The following ASB4 variants were observed in gnomAD, a reference collection of about 807,000 sequenced individuals.
ASB4 encodes ankyrin repeat and SOCS box containing 4.
Under a neutral mutation model 38.6 loss-of-function variants are expected in ASB4, and 35 were observed. The observed-to-expected ratio is 0.91, with a 90% CI of 0.69 to 1.20. The LOEUF (loss-of-function observed/expected upper bound fraction) is 1.20. Among genes scored for constraint, ASB4 ranks in the 50% most tolerant of loss-of-function variants. The pLI, the probability that ASB4 is intolerant of heterozygous loss-of-function variation, is 0.00. For synonymous variants in ASB4, 195 were observed against 201.3 expected, an observed-to-expected ratio of 0.97 and a Z score of 0.26; for missense variants, 557 against 527.2, an observed-to-expected ratio of 1.06 and a Z score of -0.55.
chr7:95,523,562 A>T (rs1286042168), intron 2 of ASB4, among the ~76,000 whole-genome samples: 1 of 152,202 alleles, frequency 6.6e-6, no homozygotes. Context: ...CTGCTTAGTG[A>T]GGTAATTAGT....
At chr7:95,482,928 C>T (rs187172064), upstream of ASB4, among the ~76,000 whole-genome samples, 5 of 152,254 alleles carry the variant, frequency 3.3e-5, no homozygotes, top group African/African-American at 7.2e-5. Flanking sequence ...CTGAGGTTAG[C>T]GGCTCAGCAT....
At chr7:95,549,066 C>A in the ASB4 span, among the ~76,000 whole-genome samples, 1 of 151,984 alleles carries the variant, frequency 6.6e-6, no homozygotes, top group Admixed American at 6.6e-5. Flanking sequence ...TTTCTTATGA[C>A]AAAATTAATT....
chr7:95,500,491 A>C (rs1333860264), intron 2 of ASB4, among the ~76,000 whole-genome samples: 1 of 144,652 alleles, frequency 6.9e-6, no homozygotes, highest in East Asian at 2.1e-4. Context: ...GCTTGAGCTC[A>C]CGAGTTTGAG....
At chr7:95,522,563 G>A (rs1234210785) in intron 2 of ASB4, among the ~76,000 whole-genome samples, 2 of 152,150 alleles carry the variant, frequency 1.3e-5, no homozygotes, top group African/African-American at 2.4e-5. Flanking sequence ...ATTATGTGTA[G>A]ATGATACTCT....
chr7:95,485,060 A>C (rs1368339688), upstream of ASB4, among the ~76,000 whole-genome samples: 1 of 150,764 alleles, frequency 6.6e-6, no homozygotes, highest in Non-Finnish European at 1.5e-5. Flanking sequence ...ATATATGTAT[A>C]TATATGTATA....
intron 2 of ASB4, among the ~76,000 whole-genome samples, chr7:95,503,771 T>C (rs1164829907): frequency 6.6e-6 from 1 of 152,204 alleles, no homozygotes; most frequent in Non-Finnish European, 1.5e-5. Context: ...CCATGGCAAC[T>C]GAAAACCGAT....
intron 2 of ASB4, among the ~76,000 whole-genome samples, chr7:95,522,151 A>T (rs896403303): frequency 1.3e-5 from 2 of 152,160 alleles, no homozygotes; most frequent in African/African-American, 4.8e-5. Context: ...ATATATAAAC[A>T]CAAAATAATT....
intron 1 of ASB4, among the ~76,000 whole-genome samples, chr7:95,493,294 G>A (rs1790198496): frequency 6.6e-6 from 1 of 152,028 alleles, no homozygotes; most frequent in South Asian, 2.1e-4. Flanking sequence ...TTTGGATAAA[G>A]GGAAAGGTGG....
chr7:95,536,043 A>G (rs112615914), intron 3 of ASB4, among the ~76,000 whole-genome samples: 1 of 152,206 alleles, frequency 6.6e-6, no homozygotes, highest in East Asian at 1.9e-4. Context: ...TAATTCTTCA[A>G]TTCTCATCTT....
At chr7:95,481,183 G>C (rs1219467874), upstream of ASB4, among the ~76,000 whole-genome samples, 1 of 152,110 alleles carries the variant, frequency 6.6e-6, no homozygotes, top group Non-Finnish European at 1.5e-5. Flanking sequence ...GAGCCTTGTT[G>C]ACATTGAGAA....
At chr7:95,477,571 A>C (rs373161514), upstream of ASB4, among the ~76,000 whole-genome samples, 3 of 152,286 alleles carry the variant, frequency 2.0e-5, no homozygotes, top group South Asian at 6.2e-4. Flanking sequence ...AAACTACAGA[A>C]AGGCAGCGTT....
At chr7:95,540,455 G>A (rs2116664642), downstream of ASB4, among the ~76,000 whole-genome samples, 1 of 152,292 alleles carries the variant, frequency 6.6e-6, no homozygotes, top group South Asian at 2.1e-4. Context: ...GTAAGAACAA[G>A]TGTGTTTTAA....
intron 2 of ASB4, among the ~76,000 whole-genome samples, chr7:95,496,557 A>G (rs1020042031): frequency 6.6e-6 from 1 of 152,290 alleles, no homozygotes; most frequent in South Asian, 2.1e-4. Context: ...TTTAAGAATG[A>G]AAAGGACGGC....
chr7:95,498,488 A>G (rs1027452814), intron 2 of ASB4, among the ~76,000 whole-genome samples: 1 of 152,146 alleles, frequency 6.6e-6, no homozygotes, highest in African/African-American at 2.4e-5. Flanking sequence ...CCATCTGTAT[A>G]TTATTTACTT....
upstream of ASB4, among the ~76,000 whole-genome samples, chr7:95,482,692 A>G (rs564315175): frequency 3.9e-5 from 6 of 152,320 alleles, no homozygotes; most frequent in East Asian, 9.6e-4. Context: ...AGGCTTGCTG[A>G]CGTAGGGAGA....
At chr7:95,520,978 A>G (rs1790654348) in intron 2 of ASB4, among the ~76,000 whole-genome samples, 2 of 151,986 alleles carry the variant, frequency 1.3e-5, no homozygotes, top group Admixed American at 1.3e-4. Context: ...CTTTTCCAAA[A>G]TTGATTTATT....
At chr7:95,521,779 A>G (rs183080612) in intron 2 of ASB4, among the ~76,000 whole-genome samples, 19 of 150,284 alleles carry the variant, frequency 1.3e-4, no homozygotes, top group Admixed American at 4.0e-4. Flanking sequence ...GTTTTTTAAA[A>G]CACAAAATAA....
chr7:95,495,021 T>C (rs1443134897), intron 1 of ASB4, among the ~76,000 whole-genome samples: 1 of 152,262 alleles, frequency 6.6e-6, no homozygotes, highest in Non-Finnish European at 1.5e-5. Flanking sequence ...AAATTTGCAA[T>C]GCCATTCTAG....
downstream of ASB4, among the ~76,000 whole-genome samples, chr7:95,541,407 A>C (rs1437230908): frequency 6.6e-6 from 1 of 152,138 alleles, no homozygotes; most frequent in Non-Finnish European, 1.5e-5. Flanking sequence ...CCACCAGTGG[A>C]GTAGTATATC....
Sources: gnomAD v4.1 joint callset for allele counts (sites outside exome capture counted in the v4.1 genomes callset) on GRCh38, gnomAD v4.1.1 for gene constraint, MANE v1.5 for transcripts, NCBI Gene and HGNC (gene_info 2026-07-23, HGNC 2026-07-21) for gene names.